The following NEK11 variants were observed in gnomAD, a reference collection of about 807,000 sequenced individuals.
NEK11 encodes serine/threonine-protein kinase Nek11.
A neutral mutation model predicts 80.7 loss-of-function variants in NEK11; 72 were observed. The observed-to-expected ratio is 0.89, with a 90% CI of 0.74 to 1.08. The LOEUF is 1.08. Among genes scored for constraint, NEK11 ranks in the 50% least tolerant of loss-of-function variants. NEK11 has a pLI of 0.00. For synonymous variants in NEK11, 251 were observed against 260.7 expected (o/e 0.96, Z 0.36); for missense variants, 764 against 763.6 (o/e 1.00, Z -0.01).
chr3:131,067,357 A>T (rs1205310556), intron 3 of NEK11, among the ~76,000 whole-genome samples: 1 of 152,204 alleles, frequency 6.6e-6, no homozygotes, highest in African/African-American at 2.4e-5. Context: ...AAAGTGCATT[A>T]TTTCATATGT....
intron 1 of NEK11, 50 bp from the exon 2 acceptor site, chr3:131,027,880 G>C (rs2064143116): frequency 6.6e-6 from 1 of 152,164 alleles, no homozygotes; most frequent in Non-Finnish European, 1.5e-5. Context: ...AGAGCCGCTA[G>C]AAGTGAACTT....
intron 3 of NEK11, among the ~76,000 whole-genome samples, chr3:131,052,449 T>C (rs1020226588): frequency 6.6e-6 from 1 of 152,202 alleles, no homozygotes; most frequent in Non-Finnish European, 1.5e-5. Context: ...AGCAGTCTCA[T>C]TCCAGGGGTT....
chr3:131,257,721 G>A (rs1319591545), intron 16 of NEK11, among the ~76,000 whole-genome samples: 1 of 152,166 alleles, frequency 6.6e-6, no homozygotes, highest in East Asian at 1.9e-4. Context: ...ACGCATCCTG[G>A]TGGTAATGTA....
At chr3:131,337,658 A>C (rs2110264351) in intron 17 of NEK11, among the ~76,000 whole-genome samples, 1 of 151,944 alleles carries the variant, frequency 6.6e-6, no homozygotes, top group Non-Finnish European at 1.5e-5. Flanking sequence ...AATAAATAAA[A>C]ATAAAAATCA....
intron 3 of NEK11, among the ~76,000 whole-genome samples, chr3:131,060,882 G>A (rs544505709): frequency 3.3e-5 from 5 of 152,232 alleles, no homozygotes; most frequent in African/African-American, 1.2e-4. Flanking sequence ...TGGTTTTGAT[G>A]TGCATATCCC....
At chr3:131,214,694 C>T (rs201941522) in intron 14 of NEK11, among the ~76,000 whole-genome samples, 4 of 65,890 alleles carry the variant, frequency 6.1e-5, no homozygotes, top group African/African-American at 1.9e-4. Flanking sequence ...AATGTGCGTG[C>T]ATGTGTGTGT....
chr3:131,029,001 A>C (rs2064376297), intron 2 of NEK11, among the ~76,000 whole-genome samples: 1 of 152,202 alleles, frequency 6.6e-6, no homozygotes, highest in African/African-American at 2.4e-5. Context: ...ATCCAGAGAG[A>C]TTATACACAA....
chr3:131,276,943 G>T (rs1283569851), intron 17 of NEK11, among the ~76,000 whole-genome samples: 1 of 152,138 alleles, frequency 6.6e-6, no homozygotes, highest in Admixed American at 6.5e-5. Flanking sequence ...CTCTAGAATG[G>T]TTCCTTAGTC....
intron 14 of NEK11, among the ~76,000 whole-genome samples, chr3:131,200,726 C>G (rs1172063311): frequency 1.3e-5 from 2 of 152,240 alleles, no homozygotes; most frequent in East Asian, 3.8e-4. Context: ...TGTTACATTT[C>G]TTCCCTGCTA....
chr3:131,342,128 C>G (rs561426149), intron 17 of NEK11, among the ~76,000 whole-genome samples: 29 of 152,338 alleles, frequency 1.9e-4, no homozygotes, highest in African/African-American at 6.0e-4. Flanking sequence ...GGCACGTGCT[C>G]TATCTGGGCA....
At chr3:131,138,158 C>T (rs1202336344) in intron 7 of NEK11, among the ~76,000 whole-genome samples, 1 of 152,120 alleles carries the variant, frequency 6.6e-6, no homozygotes. Context: ...TGGACCTTCC[C>T]TGGGCCAGAG....
intron 14 of NEK11, among the ~76,000 whole-genome samples, chr3:131,173,929 T>TG (rs1314302283): frequency 1.3e-5 from 2 of 152,324 alleles, no homozygotes; most frequent in Middle Eastern, 3.4e-3. Flanking sequence ...TATTTAGGCC[T>TG]CTATGATAAA....
chr3:131,346,781 A>AG, intron 17 of NEK11, among the ~76,000 whole-genome samples: 1 of 152,192 alleles, frequency 6.6e-6, no homozygotes, highest in East Asian at 1.9e-4. Context: ...GAGGGCATTG[A>AG]GGGGGTGATT....
chr3:131,107,674 A>C (rs994623952), intron 4 of NEK11, among the ~76,000 whole-genome samples: 3 of 140,582 alleles, frequency 2.1e-5, no homozygotes, highest in African/African-American at 8.0e-5. Context: ...CATTCCTGCA[A>C]ATATTGTATT....
At chr3:131,311,236 T>C (rs989378696) in intron 17 of NEK11, among the ~76,000 whole-genome samples, 1 of 152,190 alleles carries the variant, frequency 6.6e-6, no homozygotes, top group African/African-American at 2.4e-5. Context: ...ACCTAGAGCA[T>C]TTATCATTTC....
intron 10 of NEK11, among the ~76,000 whole-genome samples, chr3:131,160,629 A>C (rs1334309278): frequency 6.6e-6 from 1 of 152,228 alleles, no homozygotes; most frequent in Non-Finnish European, 1.5e-5. Flanking sequence ...TAAAAGGCAC[A>C]GTGTCGAGTT....
chr3:131,314,023 ATCTAATTC>A (rs1411773449), intron 17 of NEK11, among the ~76,000 whole-genome samples: 5 of 152,176 alleles, frequency 3.3e-5, no homozygotes, highest in African/African-American at 1.2e-4. Context: ...TTGTAATGAC[ATCTAATTC>A]TCTTTGTTTA....
At chr3:131,216,835 A>G (rs2094852899) in intron 14 of NEK11, among the ~76,000 whole-genome samples, 1 of 152,236 alleles carries the variant, frequency 6.6e-6, no homozygotes, top group African/African-American at 2.4e-5. Flanking sequence ...ACTAAATGTT[A>G]CGGTGATTGA....
intron 14 of NEK11, chr3:131,175,082 C>A: frequency 8.9e-7 from 1 of 1,128,744 alleles, no homozygotes; most frequent in Non-Finnish European, 1.1e-6. Flanking sequence ...TACGATATCA[C>A]CTCTTCTTTT....
Sources: allele counts gnomAD v4.1 joint callset (sites outside exome capture counted in the v4.1 genomes callset), GRCh38; gene constraint gnomAD v4.1.1; transcripts MANE v1.5; gene names NCBI Gene and HGNC (gene_info 2026-07-23, HGNC 2026-07-21).